Variants in RBFOX1 observed in about 807,000 individuals in gnomAD.
RBFOX1 encodes the protein RNA binding protein fox-1 homolog 1.
Under a neutral mutation model 57.7 loss-of-function variants are expected in RBFOX1, and 8 were observed. The ratio of observed to expected loss-of-function variants is 0.14; its 90% confidence interval spans 0.08 to 0.25. The LOEUF is 0.25. Among genes scored for constraint, RBFOX1 ranks in the 10% least tolerant of loss-of-function variants. The pLI, the probability that RBFOX1 is intolerant of heterozygous loss-of-function variation, is 1.00. For missense variants in RBFOX1, 611 were observed against 548.5 expected, an observed-to-expected ratio of 1.11 and a Z score of -1.14; for synonymous variants, 326 against 222.4, an observed-to-expected ratio of 1.47 and a Z score of -4.15.
chr16:5,923,467 G>T (rs192286784), intron 4 of RBFOX1, among the ~76,000 whole-genome samples: 92 of 151,572 alleles, frequency 6.1e-4, no homozygotes, highest in Non-Finnish European at 9.4e-4. Context: ...CTCCCTGAAG[G>T]CTCACGGAGA....
intron 1 of RBFOX1, among the ~76,000 whole-genome samples, chr16:6,167,483 C>G (rs1053261884): frequency 2.0e-5 from 3 of 152,088 alleles, no homozygotes; most frequent in Admixed American, 6.6e-5. Context: ...TCCACTGTTT[C>G]ATTTTGTTTT....
At chr16:7,568,756 G>A (rs761453051) in intron 5 of RBFOX1, among the ~76,000 whole-genome samples, 8 of 151,608 alleles carry the variant, frequency 5.3e-5, no homozygotes, top group East Asian at 1.9e-4. Context: ...GCATGGTGGC[G>A]GGCACTTGTA....
intron 3 of RBFOX1, among the ~76,000 whole-genome samples, chr16:6,792,549 G>A (rs9939272): frequency 0.12 from 18,723 of 152,110 alleles, 1,398 homozygotes; most frequent in Admixed American, 0.22. Flanking sequence ...AAATTGAGAT[G>A]TCCCCATGTA....
chr16:6,931,717 C>T (rs1207744155), intron 3 of RBFOX1, among the ~76,000 whole-genome samples: 1 of 152,200 alleles, frequency 6.6e-6, no homozygotes, highest in Admixed American at 6.5e-5. Flanking sequence ...GTGGGTCTAA[C>T]CCTCCCTGTT....
At chr16:7,294,125 C>T (rs1026061401) in intron 4 of RBFOX1, among the ~76,000 whole-genome samples, 4 of 152,108 alleles carry the variant, frequency 2.6e-5, no homozygotes, top group African/African-American at 4.8e-5. Context: ...ATCCAGAAGT[C>T]GAAACACAGA....
At chr16:6,903,335 G>T (rs140618475) in intron 3 of RBFOX1, among the ~76,000 whole-genome samples, 2 of 152,324 alleles carry the variant, frequency 1.3e-5, no homozygotes, top group Non-Finnish European at 2.9e-5. Flanking sequence ...GAGTAAGGAA[G>T]GCGGTGCTTA....
intron 4 of RBFOX1, among the ~76,000 whole-genome samples, chr16:5,877,668 A>G (rs746953227): frequency 6.6e-6 from 1 of 152,246 alleles, no homozygotes; most frequent in Non-Finnish European, 1.5e-5. Context: ...CTCCTTCCTG[A>G]GCAGGGCTAC....
At chr16:5,411,651 A>G (rs2067024773) in intron 1 of RBFOX1, among the ~76,000 whole-genome samples, 1 of 152,128 alleles carries the variant, frequency 6.6e-6, no homozygotes, top group South Asian at 2.1e-4. Context: ...TGTGGTCCCA[A>G]GACTTTGGGA....
At chr16:5,699,489 G>A (rs2050959552) in intron 3 of RBFOX1, among the ~76,000 whole-genome samples, 1 of 151,516 alleles carries the variant, frequency 6.6e-6, no homozygotes, top group Admixed American at 6.6e-5. Flanking sequence ...CTTAACTGAA[G>A]GCAATTTTGC....
intron 4 of RBFOX1, among the ~76,000 whole-genome samples, chr16:7,090,228 C>G (rs554926834): frequency 1.3e-5 from 2 of 152,176 alleles, no homozygotes; most frequent in South Asian, 2.1e-4. Flanking sequence ...CAAGGAGAGA[C>G]AATAAAATAG....
intron 4 of RBFOX1, among the ~76,000 whole-genome samples, chr16:7,391,733 G>T (rs939271178): frequency 1.3e-5 from 2 of 152,094 alleles, no homozygotes; most frequent in African/African-American, 4.8e-5. Flanking sequence ...TTCTTCCTAC[G>T]CATCCTCAGC....
intron 4 of RBFOX1, among the ~76,000 whole-genome samples, chr16:7,449,903 T>A (rs1465416457): frequency 1.3e-5 from 2 of 152,106 alleles, no homozygotes; most frequent in African/African-American, 4.8e-5. Context: ...GAAGGGACAC[T>A]ATGAAACATA....
chr16:5,863,149 C>A (rs915039119), intron 3 of RBFOX1, among the ~76,000 whole-genome samples: 2 of 152,148 alleles, frequency 1.3e-5, no homozygotes, highest in Non-Finnish European at 2.9e-5. Flanking sequence ...AAAGGAATCA[C>A]GTCCACTGAG....
chr16:7,472,481 C>T (rs1404816968), intron 4 of RBFOX1, among the ~76,000 whole-genome samples: 2 of 152,160 alleles, frequency 1.3e-5, no homozygotes, highest in East Asian at 1.9e-4. Flanking sequence ...ATGAAACTTG[C>T]AAAGAAAAGA....
rs1473371813 is a variant in RBFOX1, at chr16:5,397,464, A to G, written c.220-69752A>G. Among the ~76,000 whole-genome samples, 4 of 152,340 alleles carry G rather than the reference A, an allele frequency of 2.6e-5. No homozygotes were observed. The East Asian group carries it at 7.7e-4, about 29-fold the overall frequency. On this transcript the variant is annotated intron_variant, in intron 1 of 2. Coordinates refer to the RBFOX1 transcript ENST00000585867. ...CATGCCTGCATGTGAGGTCTGTGGT[A>G]CTTGCCAAGTCTATGGACGGCGGAG...
intron 2 of RBFOX1, among the ~76,000 whole-genome samples, chr16:5,589,371 C>A (rs1596358675): frequency 2.0e-5 from 3 of 152,298 alleles, no homozygotes; most frequent in South Asian, 4.1e-4. Flanking sequence ...AGTTGGCCAA[C>A]CTGGGGCAAG....
chr16:5,989,591 G>A (rs1329042742), intron 4 of RBFOX1, among the ~76,000 whole-genome samples: 4 of 152,182 alleles, frequency 2.6e-5, no homozygotes, highest in South Asian at 2.1e-4. Context: ...AATGGGTGCT[G>A]GCGATGTGGG....
chr16:6,869,596 A>C (rs2153250276), intron 3 of RBFOX1, among the ~76,000 whole-genome samples: 1 of 152,230 alleles, frequency 6.6e-6, no homozygotes, highest in Admixed American at 6.5e-5. Context: ...AAATAGAGAA[A>C]GAAAGAACAG....
At chr16:6,658,675 T>C (rs984599407) in intron 3 of RBFOX1, among the ~76,000 whole-genome samples, 1 of 152,198 alleles carries the variant, frequency 6.6e-6, no homozygotes, top group Non-Finnish European at 1.5e-5. Context: ...AGGAAACTAA[T>C]TGCCATTTGG....
Sources: gnomAD v4.1 joint callset for allele counts (sites outside exome capture counted in the v4.1 genomes callset) on GRCh38, gnomAD v4.1.1 for gene constraint, MANE v1.5 for transcripts, NCBI Gene and HGNC (gene_info 2026-07-23, HGNC 2026-07-21) for gene names.